Variants in SLC5A4 observed in about 807,000 individuals in gnomAD.
SLC5A4 encodes the protein solute carrier family 5 member 4.
In SLC5A4, 55 loss-of-function variants were observed where a neutral mutation model predicts 70.3. That is an observed-to-expected ratio of 0.78 (90% CI 0.63 to 0.98). The LOEUF is 0.98. Ranked by LOEUF, SLC5A4 falls within the 50% of genes least tolerant of loss-of-function variation. The pLI, the probability that SLC5A4 is intolerant of heterozygous loss-of-function variation, is 0.00. For synonymous variants in SLC5A4, 268 were observed against 305.7 expected (o/e 0.88, Z 1.29); for missense variants, 735 against 839.2 (o/e 0.88, Z 1.53).
the SLC5A4 span, among the ~76,000 whole-genome samples, chr22:32,301,402 C>T: frequency 0.48 from 72,863 of 151,944 alleles, 17,621 homozygotes; most frequent in Admixed American, 0.51. Flanking sequence ...TATGCATCTG[C>T]CTAATGATTA....
chr22:32,234,777 G>T, intron 8 of SLC5A4, 96 bp downstream of exon 8: 1 of 914,386 alleles, frequency 1.1e-6, no homozygotes, highest in Non-Finnish European at 1.7e-6. Context: ...GAAACTAAAT[G>T]TTTTTCTATG....
the SLC5A4 span, among the ~76,000 whole-genome samples, chr22:32,289,140 T>A: frequency 6.6e-6 from 1 of 152,188 alleles, no homozygotes; most frequent in Non-Finnish European, 1.5e-5. Flanking sequence ...GAAAGTTCCC[T>A]TGGACTCCTA....
the SLC5A4 span, among the ~76,000 whole-genome samples, chr22:32,315,144 C>A: frequency 7.9e-5 from 12 of 152,070 alleles, no homozygotes. Flanking sequence ...ATAACAAATG[C>A]AAATGAAGAG....
the SLC5A4 span, among the ~76,000 whole-genome samples, chr22:32,334,969 G>A: frequency 2.6e-5 from 4 of 152,202 alleles, no homozygotes; most frequent in Admixed American, 6.5e-5. Context: ...AGAAGGGACC[G>A]TGGAGGCTCA....
At chr22:32,259,495 T>G (rs1428471587), upstream of SLC5A4, among the ~76,000 whole-genome samples, 1 of 152,238 alleles carries the variant, frequency 6.6e-6, no homozygotes, top group African/African-American at 2.4e-5. Context: ...TAACGTGGCA[T>G]GCTACATTGA....
At chr22:32,221,165 T>C (rs1216193274) in intron 13 of SLC5A4, 143 bp from the exon 14 acceptor site, 4 of 498,974 alleles carry the variant, frequency 8.0e-6, no homozygotes, top group Non-Finnish European at 1.4e-5. Flanking sequence ...AAAGGCCTCC[T>C]ACCACACTCA....
intron 13 of SLC5A4, among the ~76,000 whole-genome samples, chr22:32,221,707 A>T (rs1386090963): frequency 6.6e-6 from 1 of 152,152 alleles, no homozygotes; most frequent in Non-Finnish European, 1.5e-5. Context: ...GCCCTGGGTC[A>T]TTCTAAGGAA....
the SLC5A4 span, among the ~76,000 whole-genome samples, chr22:32,298,969 G>A: frequency 8.0e-5 from 10 of 124,866 alleles, no homozygotes; most frequent in African/African-American, 3.1e-4. Flanking sequence ...CTTTAAGAAT[G>A]TTGAATATTG....
Position 32,229,257 on chromosome 22 carries a change from G to A in SLC5A4, c.1217C>T (p.Thr406Ile). ...SIFNSASTLF[T>I]IDLYTKMRKQ... is the part of the protein sequence containing the mutation. ...CCGCATCTTGGTGTAGAGGTCAATG[G>A]TGAAGAGGGTGCTGGCGCTGTTGAA... Residue 406 changes from threonine (T) to isoleucine (I), a missense_variant, in exon 11 of 15, where the codon ACC (threonine) becomes ATC (isoleucine). Transcript: ENST00000266086. The A allele has an allele frequency of 6.2e-7, 1 of 1,614,154 alleles. No homozygotes were observed. The highest frequency in any genetic ancestry group is 8.5e-7 in the Non-Finnish European group (1 of 1,180,012).
the SLC5A4 span, among the ~76,000 whole-genome samples, chr22:32,306,631 AG>A: frequency 6.6e-6 from 1 of 152,186 alleles, no homozygotes; most frequent in Non-Finnish European, 1.5e-5. Flanking sequence ...CAGAGTTTAC[AG>A]GAGAGAAAAT....
At chr22:32,352,693 TTGC>T in the SLC5A4 span, among the ~76,000 whole-genome samples, 1 of 152,110 alleles carries the variant, frequency 6.6e-6, no homozygotes, top group African/African-American at 2.4e-5. Context: ...GCCCCCAAAC[TTGC>T]TGCTGCTGCT....
chr22:32,342,008 C>T, the SLC5A4 span, among the ~76,000 whole-genome samples: 1 of 152,192 alleles, frequency 6.6e-6, no homozygotes, highest in African/African-American at 2.4e-5. Flanking sequence ...TTTTCTTTGT[C>T]TCCCCAGGCA....
At chr22:32,223,555 T>TC (rs774318755) in intron 13 of SLC5A4, among the ~76,000 whole-genome samples, 59 of 152,086 alleles carry the variant, frequency 3.9e-4, no homozygotes, top group Non-Finnish European at 7.1e-4. Flanking sequence ...CCATGTACTT[T>TC]CCCCCCATCT....
At chr22:32,289,370 G>C in the SLC5A4 span, among the ~76,000 whole-genome samples, 5 of 152,140 alleles carry the variant, frequency 3.3e-5, no homozygotes, top group African/African-American at 1.2e-4. Flanking sequence ...TCAAGGGTGG[G>C]ACCAGGTGGA....
chr22:32,330,718 T>G, the SLC5A4 span, among the ~76,000 whole-genome samples: 2 of 91,948 alleles, frequency 2.2e-5, no homozygotes, highest in Admixed American at 1.4e-4. Context: ...TATTGGGGGC[T>G]CTGGTGTGTA....
In SLC5A4 at chr22:32,248,899, A is replaced by G. The variant is rs1046013770; in HGVS notation, c.313-97T>C. ...CCTCTGAGTCTGGAAATTAAAAAAA[A>G]AAGTTGGCTCAATCCTGTCCCATTC... On this transcript the variant is annotated intron_variant, in intron 3 of 14. Transcript: ENST00000266086. The G allele has an allele frequency of 1.7e-5, 14 of 835,948 alleles. No homozygotes were observed. In the African/African-American group the frequency reaches 1.9e-4, roughly 11 times the overall value. 51.8% of individuals were successfully genotyped at this position (835,948 alleles called of 1,614,324 possible).
At chr22:32,257,816 C>T (rs1482159589), upstream of SLC5A4, among the ~76,000 whole-genome samples, 1 of 151,816 alleles carries the variant, frequency 6.6e-6, no homozygotes. Flanking sequence ...CAGAAACACA[C>T]CACCATGCCC....
At chr22:32,221,783 A>G (rs1397256138) in intron 13 of SLC5A4, among the ~76,000 whole-genome samples, 1 of 151,910 alleles carries the variant, frequency 6.6e-6, no homozygotes, top group Non-Finnish European at 1.5e-5. Context: ...AGGAGTTTCC[A>G]TCTTGTTGCC....
upstream of SLC5A4, among the ~76,000 whole-genome samples, chr22:32,257,791 G>A (rs1047699906): frequency 1.4e-4 from 21 of 150,808 alleles, no homozygotes; most frequent in East Asian, 7.8e-4. Context: ...TCAGCCTCCC[G>A]AGTAGCTGGG....
Sources: allele counts gnomAD v4.1 joint callset (sites outside exome capture counted in the v4.1 genomes callset), GRCh38; gene constraint gnomAD v4.1.1; transcripts MANE v1.5; gene names NCBI Gene and HGNC (gene_info 2026-07-23, HGNC 2026-07-21).